The following DNAH17 variants were observed in gnomAD, a reference collection of about 807,000 sequenced individuals.
The protein encoded by DNAH17 is axonemal beta dynein heavy chain 17.
In DNAH17, 376 loss-of-function variants were observed where a neutral mutation model predicts 485.6. The observed-to-expected ratio is 0.77, with a 90% CI of 0.71 to 0.84. DNAH17 has a LOEUF of 0.84. Among genes scored for constraint, DNAH17 ranks in the 40% least tolerant of loss-of-function variants. The pLI, the probability that DNAH17 is intolerant of heterozygous loss-of-function variation, is 0.00. For missense variants in DNAH17, 6,370 were observed against 5,839.3 expected (o/e 1.09, Z -2.96); for synonymous variants, 3,031 against 2,405.9 (o/e 1.26, Z -7.60).
chr17:78,425,673 G>A (rs929791546), intron 79 of DNAH17, 102 bp from the exon 80 acceptor site: 37 of 1,039,802 alleles, frequency 3.6e-5, no homozygotes, highest in Middle Eastern at 3.2e-4. Flanking sequence ...AACCTTCCAC[G>A]GGCCACTCAG....
chr17:78,447,538 G>A (rs2087361601), intron 69 of DNAH17, among the ~76,000 whole-genome samples: 2 of 152,184 alleles, frequency 1.3e-5, no homozygotes, highest in African/African-American at 4.8e-5. Flanking sequence ...CAAACGGTCT[G>A]TTTTTCAGAT....
chr17:78,576,996 G>A (rs73999139), intron 1 of DNAH17, among the ~76,000 whole-genome samples: 4,147 of 152,280 alleles, frequency 0.027, 183 homozygotes, highest in African/African-American at 0.093. Flanking sequence ...CAGGCCTTCA[G>A]GACTCCACAG....
chr17:78,450,472 C>G lies in DNAH17; in HGVS notation c.10900-78G>C. ...AGCAGGTGGGCTCATTCCCAGCCAC[C>G]AGCCTCGCTCCCTGGGAAGCCACCC... On this transcript the variant is annotated intron_variant, in intron 67 of 80. Transcript: ENST00000389840. 1.9e-6 allele frequency: 3 copies of G among 1,564,004 alleles called. No individual in the cohort carries two copies. The East Asian group carries it at 6.9e-5, about 36-fold the overall frequency.
chr17:78,463,208 G>A (rs1212174444), intron 56 of DNAH17, 131 bp from the exon 57 acceptor site: 9 of 746,990 alleles, frequency 1.2e-5, no homozygotes, highest in Non-Finnish European at 1.8e-5. Flanking sequence ...GTCTTCAACT[G>A]CCCAAAGGGG....
chr17:78,480,654 G>A, intron 49 of DNAH17, 30 bp downstream of exon 49: 2 of 1,579,822 alleles, frequency 1.3e-6, no homozygotes, highest in Non-Finnish European at 1.7e-6. Flanking sequence ...CTCATGGCAG[G>A]TGACGGGGAT....
At chr17:78,501,632 T>A in intron 34 of DNAH17, 110 bp downstream of exon 34, 1 of 1,448,462 alleles carries the variant, frequency 6.9e-7, no homozygotes, top group Admixed American at 2.0e-5. Flanking sequence ...AGCAACAGAG[T>A]CAGTGCCCCA....
At position 78,460,212 on chromosome 17, in the gene DNAH17, C is replaced by T. The variant is rs1211567418; in HGVS notation, c.9385G>A (p.Ala3129Thr). 6.2e-7 allele frequency: 1 copy of T among 1,608,478 alleles called. No homozygotes were observed. The highest frequency in any genetic ancestry group is 1.7e-5 in the Admixed American group (1 of 59,314). ...TGGGCTGCCAGCAGGGCCGGTTCTG[C>T]TTTGGCCAGGTCTGTTTCACAGGCC... Reference protein sequence around the residue: ...QKACETDLAKAEPALLAAQEA... With the variant: ...QKACETDLAKTEPALLAAQEA... The change falls in exon 59 of 81, where the codon GCA becomes ACA. Residue 3129 changes from alanine to threonine, a missense_variant. Coordinates refer to ENST00000389840, the MANE Select transcript of DNAH17 (RefSeq NM_173628.4).
rs1474007835 is a variant in DNAH17, at chr17:78,429,136, G to A, written c.12390C>T (p.Pro4130=). 1.9e-6 allele frequency: 3 copies of A among 1,613,006 alleles called. No individual in the cohort carries two copies. Among genetic ancestry groups the A allele is most frequent in the Admixed American group, 1.7e-5 (1 of 59,956 alleles). The change falls in exon 76 of 81, where the codon CCC becomes CCT. Residue 4130 remains proline (P), a synonymous_variant. Coordinates refer to ENST00000389840, the MANE Select transcript of DNAH17 (RefSeq NM_173628.4). ...TCATCCTTACCTTGTAGTCCAGGTTGGGGGGGATCTGAAAGCCGGGGGCCA... is the reference window on the plus strand; with the variant it reads ...TCATCCTTACCTTGTAGTCCAGGTTAGGGGGGATCTGAAAGCCGGGGGCCA... ...VLLAPGFQIP[P]NLDYKGYHEY...
intron 51 of DNAH17, among the ~76,000 whole-genome samples, chr17:78,478,315 TCAC>T (rs890791013): frequency 7.4e-5 from 9 of 122,334 alleles, no homozygotes; most frequent in Admixed American, 4.1e-4. Flanking sequence ...CACAATCACA[TCAC>T]CACCACCACC....
At chr17:78,563,489 C>G (rs1334999138) in intron 11 of DNAH17, among the ~76,000 whole-genome samples, 2 of 142,732 alleles carry the variant, frequency 1.4e-5, no homozygotes, top group Non-Finnish European at 3.1e-5. Context: ...AGAAAAAAAC[C>G]CCAAAAACCT....
At chr17:78,558,568 G>T (rs1032097510) in intron 13 of DNAH17, among the ~76,000 whole-genome samples, 2 of 127,406 alleles carry the variant, frequency 1.6e-5, no homozygotes, top group Admixed American at 8.1e-5. Flanking sequence ...TGACATCATT[G>T]TCATCACCAC....
At chr17:78,446,099 G>A (rs1278615332) in intron 69 of DNAH17, among the ~76,000 whole-genome samples, 1 of 146,420 alleles carries the variant, frequency 6.8e-6, no homozygotes, top group African/African-American at 2.6e-5. Context: ...ACTTGAACCT[G>A]GGAGGCAGAG....
intron 69 of DNAH17, among the ~76,000 whole-genome samples, chr17:78,447,241 G>A (rs2087348061): frequency 6.6e-6 from 1 of 152,188 alleles, no homozygotes; most frequent in South Asian, 2.1e-4. Context: ...CTGGCTTTTG[G>A]CTGCTGCGAT....
intron 60 of DNAH17, 73 bp from the exon 61 acceptor site, chr17:78,459,281 T>C (rs566772763): frequency 1.5e-5 from 21 of 1,439,188 alleles, no homozygotes; most frequent in East Asian, 2.3e-5. Flanking sequence ...AGAAGCTGAG[T>C]GTCTTGCCCA....
intron 25 of DNAH17, among the ~76,000 whole-genome samples, chr17:78,515,337 C>A (rs148798900): frequency 2.6e-5 from 4 of 152,018 alleles, no homozygotes; most frequent in Admixed American, 2.6e-4. Context: ...GGTGAAACCC[C>A]GTCTGTACTA....
intron 64 of DNAH17, among the ~76,000 whole-genome samples, chr17:78,454,192 C>A (rs950316782): frequency 2.0e-5 from 3 of 152,208 alleles, no homozygotes; most frequent in Non-Finnish European, 4.4e-5. Flanking sequence ...CCTCAAACCT[C>A]CCAGCCAGCA....
At chr17:78,484,739 A>ACCCCCCCGGCCCCCCCCCCCCCCC in intron 48 of DNAH17, 129 bp downstream of exon 48, 5 of 347,794 alleles carry the variant, frequency 1.4e-5, no homozygotes, top group Non-Finnish European at 2.3e-5. Flanking sequence ...ACGTTGCAGC[A>ACCCCCCCGGCCCCCCCCCCCCCCC]CCCCCCCCAC....
Position 78,514,762 on chromosome 17 carries a change from G to A in DNAH17, c.4113+12C>T. Reference sequence around the variant, plus strand: ...AGGGGCGGTCCCCTCCGCCCACCATGGTGCATGGTACCTGGGTGGCCTGCA... The same window carrying A: ...AGGGGCGGTCCCCTCCGCCCACCATAGTGCATGGTACCTGGGTGGCCTGCA... On this transcript the variant is annotated intron_variant, in intron 26 of 80. Transcript: ENST00000389840. 6.2e-7 allele frequency: 1 copy of A among 1,612,370 alleles called. No homozygotes were observed. Among genetic ancestry groups the A allele is most frequent in the Non-Finnish European group, 8.5e-7 (1 of 1,178,878 alleles).
chr17:78,433,891 C>T, intron 75 of DNAH17, 138 bp downstream of exon 75: 1 of 617,362 alleles, frequency 1.6e-6, no homozygotes, highest in Non-Finnish European at 2.4e-6. Flanking sequence ...GTCTTTTAAG[C>T]CTAAGACAAA....
Sources: gnomAD v4.1 joint callset for allele counts (sites outside exome capture counted in the v4.1 genomes callset) on GRCh38, gnomAD v4.1.1 for gene constraint, MANE v1.5 for transcripts, NCBI Gene and HGNC (gene_info 2026-07-23, HGNC 2026-07-21) for gene names.